The following SLC12A9 variants were observed in gnomAD, a reference collection of about 807,000 sequenced individuals.
The protein encoded by SLC12A9 is solute carrier family 12 member 9.
SLC12A9 carries 55 observed loss-of-function variants against 66.0 expected under a neutral mutation model. The ratio of observed to expected loss-of-function variants is 0.83; its 90% confidence interval spans 0.67 to 1.04. The LOEUF (loss-of-function observed/expected upper bound fraction) is 1.04. Ranked by LOEUF, SLC12A9 falls within the 50% of genes least tolerant of loss-of-function variation. The probability of loss-of-function intolerance (pLI) is 0.00; values close to 1 mark genes in which losing one functional copy is unlikely to be tolerated. For missense variants in SLC12A9, 1,061 were observed against 1,241.9 expected (o/e 0.85, Z 2.19); for synonymous variants, 577 against 569.0 (o/e 1.01, Z -0.20).
chr7:100,846,068 G>A (rs766437167), intron 1 of SLC12A9, among the ~76,000 whole-genome samples: 2 of 152,184 alleles, frequency 1.3e-5, no homozygotes, highest in Admixed American at 6.5e-5. Flanking sequence ...GATAATCAAA[G>A]GCAAGTAGTT....
intron 13 of SLC12A9, among the ~76,000 whole-genome samples, chr7:100,864,110 ACT>A (rs1715953906): frequency 8.1e-6 from 1 of 124,166 alleles, no homozygotes; most frequent in Admixed American, 1.0e-4. Context: ...ACAGGGTCTC[ACT>A]CTGTTGCCCA....
chr7:100,866,461 C>T lies in SLC12A9; in HGVS notation c.2601C>T (p.Ala867=), dbSNP rs1815105907. Residue 867 remains alanine (A), a synonymous_variant, in exon 14 of 14, where the codon GCC becomes GCT. Transcript: ENST00000354161. This position sits in a 1 kb window ranked among gnomAD's most constrained non-coding sequence, Gnocchi z 7.3. ...GGGATGCTGAGGGCCCCATCACAGC[C>T]CTCACCTTCCTGTACTTGCCTCGGC... The part of the protein sequence containing the change: ...EGGDAEGPIT[A]LTFLYLPRPP... The T allele has an allele frequency of 1.9e-6, 3 of 1,550,998 alleles. No individual in the cohort carries two copies. The highest frequency in any genetic ancestry group is 2.6e-6 in the Non-Finnish European group (3 of 1,147,754).
chr7:100,861,369 C>G lies in SLC12A9; in HGVS notation c.1344-23C>G, dbSNP rs901594384. 2 of 1,611,784 alleles carry G rather than the reference C, an allele frequency of 1.2e-6. No homozygotes were observed. The highest frequency in any genetic ancestry group is 2.7e-5 in the African/African-American group (2 of 74,866). ...GTGCGGCCTGCCCTGAGTTTCTGTCCCTCCTCCCCTCCATGCCCGCAGCCC... is the reference window on the plus strand; with the variant it reads ...GTGCGGCCTGCCCTGAGTTTCTGTCGCTCCTCCCCTCCATGCCCGCAGCCC... On this transcript the variant is annotated intron_variant, in intron 10 of 13. Coordinates refer to ENST00000354161, the MANE Select transcript of SLC12A9 (RefSeq NM_020246.4). The surrounding 1 kb of genome is among the most constrained non-coding windows in gnomAD (Gnocchi z 5.3).
rs751214100 is a variant in SLC12A9, at chr7:100,859,909, G to C, written c.1002G>C (p.Gly334=). 2 of 1,604,722 alleles carry C rather than the reference G, an allele frequency of 1.2e-6. No homozygotes were observed. Among genetic ancestry groups the C allele is most frequent in the Non-Finnish European group, 1.7e-6 (2 of 1,172,104 alleles). The change falls in exon 8 of 14, where the codon GGG becomes GGC. Residue 334 remains glycine (G), a synonymous_variant. Coordinates refer to ENST00000354161, the MANE Select transcript of SLC12A9 (RefSeq NM_020246.4). ...GGACCCTGCTGCAGGAAGACTATGG[G>C]TTCTTCCGCGCCATCAGCCTGTGGC... The part of the protein sequence containing the change: ...CDRTLLQEDY[G]FFRAISLWPP...
rs1387342539 is a variant in SLC12A9 at position 100,854,212 on chromosome 7, C to T, written c.15C>T (p.Ser5=). MASE[S]SPLLAYRLLG... is the part of the protein sequence containing the mutation. ...TGTGCTCAGCCATGGCCAGCGAGAG[C>T]TCACCTCTGCTGGCCTACCGGCTCC... is the stretch of plus-strand genomic sequence containing the variant. The change falls in exon 2 of 14, where the codon AGC becomes AGT. Residue 5 remains serine, a synonymous_variant. Transcript: ENST00000354161. 1.6e-5 allele frequency: 25 copies of T among 1,568,392 alleles called. No individual in the cohort carries two copies. The highest frequency in any genetic ancestry group is 2.1e-5 in the Non-Finnish European group (24 of 1,167,674).
intron 13 of SLC12A9, 58 bp downstream of exon 13, chr7:100,862,885 G>A (rs902751722): frequency 3.7e-6 from 6 of 1,601,318 alleles, no homozygotes; most frequent in East Asian, 2.2e-5. Context: ...TCAAATCTCC[G>A]CTCCCCTCCC....
rs779686687 is a variant in SLC12A9 at position 100,866,057 on chromosome 7, C to T, written c.2197C>T (p.Arg733Trp). 1.1e-5 allele frequency: 18 copies of T among 1,612,752 alleles called. No homozygotes were observed. Among genetic ancestry groups the T allele is most frequent in the Non-Finnish European group, 1.4e-5 (17 of 1,179,866 alleles). Residue 733 changes from arginine to tryptophan, a missense_variant, in exon 14 of 14, where the codon CGG (arginine) becomes TGG (tryptophan). Arg to Trp is a moderately radical substitution (Grantham distance 101). Coordinates refer to ENST00000354161, the MANE Select transcript of SLC12A9 (RefSeq NM_020246.4). The surrounding 1 kb of genome is among the most constrained non-coding windows in gnomAD (Gnocchi z 7.3). ...HVDVWPLNLL[R>W]PRGGPGYVDV... ...GGACGTGTGGCCCCTCAACCTGCTG[C>T]GGCCCCGGGGTGGGCCCGGCTATGT...
At chr7:100,865,629 C>T in intron 13 of SLC12A9, 90 bp from the exon 14 acceptor site, 4 of 1,554,182 alleles carry the variant, frequency 2.6e-6, no homozygotes, top group Non-Finnish European at 3.5e-6. Context: ...ATGGCTGACG[C>T]ACCTTGCTGT....
At chr7:100,865,448 T>G (rs979809576) in intron 13 of SLC12A9, 11 of 1,535,894 alleles carry the variant, frequency 7.2e-6, no homozygotes, top group Non-Finnish European at 9.6e-6. Context: ...ATTGGAGTGC[T>G]CATTAGTGGC....
At position 100,859,998 on chromosome 7, in the gene SLC12A9, G is replaced by T. The variant is rs2116621234; in HGVS notation, c.1091G>T (p.Gly364Val). The change falls in exon 8 of 14, where the codon GGT (glycine) becomes GTT (valine). Residue 364 changes from glycine to valine, a missense_variant. Coordinates refer to ENST00000354161, the MANE Select transcript of SLC12A9 (RefSeq NM_020246.4). ...ALSASMSSLI[G>V]ASRILHALAR... ...TCAGCGTCCATGAGCTCGCTCATTGGTGCCTCCCGCATCCTCCATGCCCTG... is the reference window on the plus strand; with the variant it reads ...TCAGCGTCCATGAGCTCGCTCATTGTTGCCTCCCGCATCCTCCATGCCCTG... 6.2e-7 allele frequency: 1 copy of T among 1,613,540 alleles called. No homozygotes were observed. The highest frequency in any genetic ancestry group is 2.2e-5 in the East Asian group (1 of 44,856).
chr7:100,865,488 A>C lies in SLC12A9; in HGVS notation c.1859-231A>C, dbSNP rs966070027. On this transcript the variant is annotated intron_variant, in intron 13 of 13. Transcript: ENST00000354161. ...ATCCTAAGGCGAACTTTGCCTGTTT[A>C]AGTGGAGGAGATTAGTCACTGAGAT... The C allele has an allele frequency of 3.9e-6, 6 of 1,532,322 alleles. No homozygotes were observed. The African/African-American group carries it at 6.9e-5, about 18-fold the overall frequency. 94.9% of individuals were successfully genotyped at this position (1,532,322 alleles called of 1,614,324 possible). A position where few individuals can be genotyped will look rare whatever the true frequency, so the allele number is the denominator to read the frequency against.
At chr7:100,830,307 C>G (rs140585090) in intron 1 of SLC12A9, among the ~76,000 whole-genome samples, 4 of 148,492 alleles carry the variant, frequency 2.7e-5, no homozygotes, top group African/African-American at 1.0e-4. Context: ...GAGCTGAAAT[C>G]GTGCCACTGC....
chr7:100,833,298 G>A (rs1303164477), intron 1 of SLC12A9, among the ~76,000 whole-genome samples: 2 of 149,330 alleles, frequency 1.3e-5, no homozygotes, highest in Non-Finnish European at 3.0e-5. Context: ...TGCCTGGCCC[G>A]TCTCTACTAA....
At chr7:100,848,700 C>A (rs1490132977), upstream of SLC12A9, among the ~76,000 whole-genome samples, 1 of 151,854 alleles carries the variant, frequency 6.6e-6, no homozygotes, top group East Asian at 1.9e-4. Context: ...TTCTGGCTAA[C>A]ACGGTGAAAC....
At position 100,854,308 on chromosome 7, in the gene SLC12A9, G is replaced by C; in HGVS notation, c.111G>C (p.Leu37=). Residue 37 remains leucine, a synonymous_variant, in exon 2 of 14, where the codon CTG becomes CTC. Transcript: ENST00000354161. ...CTGGAGGGGCGTCTGCCCGGAAGCT[G>C]TCCACCTTCCTGGGTGTGGTGGTGC... ...GGPGGASARK[L]STFLGVVVPT... is the part of the protein sequence containing the mutation. 1 of 1,607,012 alleles carries C rather than the reference G, an allele frequency of 6.2e-7. No homozygotes were observed. The highest frequency in any genetic ancestry group is 8.5e-7 in the Non-Finnish European group (1 of 1,178,246).
chr7:100,835,040 A>C (rs1427147227), intron 1 of SLC12A9, among the ~76,000 whole-genome samples: 1 of 151,996 alleles, frequency 6.6e-6, no homozygotes, highest in Non-Finnish European at 1.5e-5. Flanking sequence ...TTTCAACAAA[A>C]AAAATTAAAA....
chr7:100,853,632 C>T (rs1301998758), intron 1 of SLC12A9, among the ~76,000 whole-genome samples: 1 of 151,586 alleles, frequency 6.6e-6, no homozygotes, highest in Non-Finnish European at 1.5e-5. Flanking sequence ...ATGATCTCGG[C>T]TCGCTGCAGC....
Position 100,861,227 on chromosome 7 carries a change from C to T in SLC12A9, c.1308C>T (p.Cys436=), listed in dbSNP as rs751529065. The T allele has an allele frequency of 6.2e-7, 1 of 1,614,218 alleles. No individual in the cohort carries two copies. Among genetic ancestry groups the T allele is most frequent in the Non-Finnish European group, 8.5e-7 (1 of 1,180,032 alleles). The stretch of plus-strand genomic sequence containing the variant: ...CCTATGCTGCCGTGGACCTGTCCTG[C>T]CTGAGCCTGGAGTGGGCCTCGGCCC... ...LVAYAAVDLS[C]LSLEWASAPN... Residue 436 remains cysteine, a synonymous_variant, in exon 10 of 14, where the codon TGC becomes TGT. Coordinates refer to ENST00000354161, the MANE Select transcript of SLC12A9 (RefSeq NM_020246.4). The surrounding 1 kb of genome is among the most constrained non-coding windows in gnomAD (Gnocchi z 5.3).
Position 100,861,977 on chromosome 7 carries a change from T to G in SLC12A9, c.1711+66T>G. On this transcript the variant is annotated intron_variant, in intron 12 of 13. Coordinates refer to ENST00000354161, the MANE Select transcript of SLC12A9 (RefSeq NM_020246.4). The surrounding 1 kb of genome is among the most constrained non-coding windows in gnomAD (Gnocchi z 5.3). Reference sequence around the variant, plus strand: ...TCTCCCCCTACCTTTTTTTTTTTTTTGAGATGGAGCTTCGTTCTGTTGCCC... The same window carrying G: ...TCTCCCCCTACCTTTTTTTTTTTTTGGAGATGGAGCTTCGTTCTGTTGCCC... 7.3e-7 allele frequency: 1 copy of G among 1,369,342 alleles called. No homozygotes were observed. The highest frequency in any genetic ancestry group is 9.8e-7 in the Non-Finnish European group (1 of 1,017,550). The allele number at this position is 1,369,342 out of a possible 1,614,324, so 84.8% of individuals were successfully genotyped here. A position where few individuals can be genotyped will look rare whatever the true frequency, so the allele number is the denominator to read the frequency against.
Sources: allele counts gnomAD v4.1 joint callset (sites outside exome capture counted in the v4.1 genomes callset), GRCh38; gene constraint gnomAD v4.1.1; non-coding constraint Gnocchi (gnomAD v3.1); transcripts MANE v1.5; gene names NCBI Gene and HGNC (gene_info 2026-07-23, HGNC 2026-07-21).